Variants in CFAP299 observed in about 807,000 individuals in gnomAD.
CFAP299 encodes the protein cilia- and flagella-associated protein 299.
A neutral mutation model predicts 27.0 loss-of-function variants in CFAP299; 21 were observed. The ratio of observed to expected loss-of-function variants is 0.78; its 90% CI spans 0.55 to 1.12. The LOEUF is 1.12. Ranked by LOEUF, CFAP299 falls within the 50% of genes most tolerant of loss-of-function variation. CFAP299 has a pLI of 0.00. For synonymous variants in CFAP299, 104 were observed against 98.1 expected (o/e 1.06, Z -0.36); for missense variants, 310 against 276.6 (o/e 1.12, Z -0.86).
At chr4:80,628,371 A>T (rs972420887) in intron 3 of CFAP299, among the ~76,000 whole-genome samples, 1 of 152,162 alleles carries the variant, frequency 6.6e-6, no homozygotes, top group Non-Finnish European at 1.5e-5. Context: ...ACCCAAAACT[A>T]TGAAACTACT....
chr4:80,951,893 C>T (rs1737798413), intron 5 of CFAP299, among the ~76,000 whole-genome samples: 1 of 152,130 alleles, frequency 6.6e-6, no homozygotes, highest in Admixed American at 6.5e-5. Context: ...AGACCATATA[C>T]CAAAGAGTGC....
At chr4:80,531,689 C>T (rs1733472226) in intron 2 of CFAP299, among the ~76,000 whole-genome samples, 1 of 151,882 alleles carries the variant, frequency 6.6e-6, no homozygotes, top group African/African-American at 2.4e-5. Context: ...CTAATTTTCC[C>T]AGCCTCCCTT....
intron 3 of CFAP299, among the ~76,000 whole-genome samples, chr4:80,855,458 A>G (rs1214526413): frequency 1.3e-5 from 2 of 152,062 alleles, no homozygotes; most frequent in African/African-American, 4.8e-5. Flanking sequence ...CACAATGTGC[A>G]GGTTAGTTAC....
At chr4:80,884,975 C>T (rs570329756) in intron 4 of CFAP299, among the ~76,000 whole-genome samples, 2 of 152,310 alleles carry the variant, frequency 1.3e-5, no homozygotes, top group Admixed American at 6.5e-5. Context: ...GAGAGACAGT[C>T]TTAATTGCCA....
the CFAP299 span, among the ~76,000 whole-genome samples, chr4:80,329,028 A>C: frequency 7.9e-5 from 12 of 152,090 alleles, no homozygotes; most frequent in Admixed American, 5.9e-4. Context: ...CTTTAAATGC[A>C]GTCCAATATA....
intron 2 of CFAP299, among the ~76,000 whole-genome samples, chr4:80,458,333 C>T (rs535883701): frequency 5.3e-5 from 8 of 152,282 alleles, no homozygotes; most frequent in South Asian, 2.1e-4. Flanking sequence ...ACCCAGGCTG[C>T]GGCGCATGCC....
intron 4 of CFAP299, among the ~76,000 whole-genome samples, chr4:80,899,595 A>G (rs1203320359): frequency 2.6e-5 from 4 of 152,202 alleles, no homozygotes; most frequent in Admixed American, 6.5e-5. Flanking sequence ...GACCAAGTGA[A>G]CTTGAGAGAG....
chr4:80,533,930 G>T (rs573369632), intron 2 of CFAP299, among the ~76,000 whole-genome samples: 55 of 151,916 alleles, frequency 3.6e-4, no homozygotes, highest in Non-Finnish European at 7.1e-4. Flanking sequence ...AATATGATAG[G>T]TTCATAATAT....
chr4:80,954,648 A>G (rs1031879003), intron 5 of CFAP299, among the ~76,000 whole-genome samples: 3 of 152,064 alleles, frequency 2.0e-5, no homozygotes, highest in Non-Finnish European at 2.9e-5. Context: ...TAAGTATATG[A>G]GGTTGCTCCA....
At chr4:80,342,273 A>C (rs1722496477) in intron 1 of CFAP299, among the ~76,000 whole-genome samples, 1 of 152,228 alleles carries the variant, frequency 6.6e-6, no homozygotes, top group Non-Finnish European at 1.5e-5. Context: ...GAACTTCCTG[A>C]GCCTAAGAAG....
At chr4:80,631,451 GAAAA>G (rs1410834875) in intron 3 of CFAP299, among the ~76,000 whole-genome samples, 2 of 151,916 alleles carry the variant, frequency 1.3e-5, no homozygotes, top group Non-Finnish European at 2.9e-5. Context: ...AATATTAAAA[GAAAA>G]AATATATTTT....
chr4:80,937,041 G>A (rs1384356811), intron 4 of CFAP299, among the ~76,000 whole-genome samples: 3 of 151,818 alleles, frequency 2.0e-5, no homozygotes, highest in Non-Finnish European at 4.4e-5. Context: ...TGATATAAGT[G>A]GGGTGTAGAT....
At chr4:80,867,619 T>A (rs1020269580) in intron 3 of CFAP299, among the ~76,000 whole-genome samples, 77 of 152,312 alleles carry the variant, frequency 5.1e-4, no homozygotes, top group African/African-American at 1.8e-3. Flanking sequence ...TTCCCTTTCC[T>A]TGCAGATGGC....
At chr4:80,730,242 CTCTCTCTG>C (rs1473195768) in intron 3 of CFAP299, among the ~76,000 whole-genome samples, 2 of 132,004 alleles carry the variant, frequency 1.5e-5, no homozygotes, top group Non-Finnish European at 3.2e-5. Flanking sequence ...CTCTCTCTCT[CTCTCTCTG>C]TGTGTGTGTG....
Position 80,637,657 on chromosome 4 carries a change from A to G in CFAP299, c.333+54474A>G, listed in dbSNP as rs559163109. ...ACCCAAATGAGAATACAAGGTTGACATGAAAGATGCAAACATGTAAGGTAG... is the reference window on the plus strand; with the variant it reads ...ACCCAAATGAGAATACAAGGTTGACGTGAAAGATGCAAACATGTAAGGTAG... On this transcript the variant is annotated intron_variant, in intron 3 of 5. Coordinates refer to ENST00000358105, the MANE Select transcript of CFAP299 (RefSeq NM_152770.3). Among the ~76,000 whole-genome samples, 2 of 152,362 alleles carry G rather than the reference A, an allele frequency of 1.3e-5. 1 individual carries two copies. The highest frequency in any genetic ancestry group is 4.8e-5 in the African/African-American group (2 of 41,586).
intron 2 of CFAP299, among the ~76,000 whole-genome samples, chr4:80,458,798 C>A (rs1480422212): frequency 6.6e-6 from 1 of 152,054 alleles, no homozygotes; most frequent in Admixed American, 6.5e-5. Flanking sequence ...TGCCCCAGAC[C>A]ATTAAGGATG....
intron 4 of CFAP299, among the ~76,000 whole-genome samples, chr4:80,877,975 C>T (rs548250684): frequency 8.5e-5 from 13 of 152,052 alleles, no homozygotes; most frequent in Admixed American, 2.0e-4. Context: ...TTTCATCTTG[C>T]GTCTCATGAG....
At chr4:80,572,965 A>G (rs1735668324) in intron 2 of CFAP299, among the ~76,000 whole-genome samples, 1 of 152,074 alleles carries the variant, frequency 6.6e-6, no homozygotes. Context: ...ATACTGATAT[A>G]CTTCGTTTTG....
rs180910245 is a variant in CFAP299, at chr4:80,895,529, A to G, written c.476+25394A>G. On this transcript the variant is annotated intron_variant, in intron 4 of 5. Coordinates refer to ENST00000358105, the MANE Select transcript of CFAP299 (RefSeq NM_152770.3). ...TGCCTTTACATTTTTTCACAAATAT[A>G]TGTTTTGTCTTCATTAGTTTGCAGA... 1.3e-4 allele frequency among the ~76,000 whole-genome samples: 20 copies of G among 152,124 alleles called. No individual in the cohort carries two copies. In the East Asian group the frequency reaches 3.9e-3, roughly 29 times the overall value.
Sources: allele counts gnomAD v4.1 joint callset (sites outside exome capture counted in the v4.1 genomes callset), GRCh38; gene constraint gnomAD v4.1.1; transcripts MANE v1.5; gene names NCBI Gene and HGNC (gene_info 2026-07-23, HGNC 2026-07-21).